RELN: variants seen among roughly 807,000 people sequenced by gnomAD.
RELN encodes reelin.
In RELN, 108 loss-of-function variants were observed where a neutral mutation model predicts 427.6. That is an observed-to-expected ratio of 0.25 (90% CI 0.22 to 0.30). RELN has a LOEUF of 0.30. Among genes scored for constraint, RELN ranks in the 10% least tolerant of loss-of-function variants. RELN has a pLI of 1.00. For synonymous variants in RELN, 1,524 were observed against 1,513.4 expected, an observed-to-expected ratio of 1.01 and a Z score of -0.16; for missense variants, 3,715 against 4,302.8, an observed-to-expected ratio of 0.86 and a Z score of 3.82.
intron 51 of RELN, among the ~76,000 whole-genome samples, chr7:103,505,924 A>G (rs1829194057): frequency 1.3e-5 from 2 of 152,242 alleles, no homozygotes; most frequent in Non-Finnish European, 2.9e-5. Flanking sequence ...AAAACACAGC[A>G]CGAGAACTTC....
chr7:103,526,780 G>C (rs1425381559), intron 46 of RELN, among the ~76,000 whole-genome samples: 2 of 152,060 alleles, frequency 1.3e-5, no homozygotes, highest in Admixed American at 1.3e-4. Flanking sequence ...CAAGGGTGTT[G>C]TGAAAATTAA....
chr7:103,660,483 A>G (rs1833115914), intron 12 of RELN, among the ~76,000 whole-genome samples: 1 of 152,208 alleles, frequency 6.6e-6, no homozygotes, highest in South Asian at 2.1e-4. Context: ...TGAGAGCATG[A>G]TACAATCTGA....
chr7:103,909,916 ATAAT>A (rs1795325537), intron 2 of RELN, among the ~76,000 whole-genome samples: 1 of 143,416 alleles, frequency 7.0e-6, no homozygotes. Flanking sequence ...AAATAATCTG[ATAAT>A]TAAGTTAAAA....
chr7:103,736,618 G>A (rs1348634691), intron 6 of RELN, among the ~76,000 whole-genome samples: 1 of 152,048 alleles, frequency 6.6e-6, no homozygotes, highest in Admixed American at 6.5e-5. Flanking sequence ...AACGTTATTT[G>A]GGTTAAAAAT....
intron 20 of RELN, among the ~76,000 whole-genome samples, chr7:103,629,094 G>C (rs2117331082): frequency 6.6e-6 from 1 of 152,260 alleles, no homozygotes; most frequent in Non-Finnish European, 1.5e-5. Context: ...TGTGGCTGGA[G>C]CTTCCATGTT....
At chr7:103,897,813 G>A (rs755602438) in intron 2 of RELN, among the ~76,000 whole-genome samples, 3 of 152,022 alleles carry the variant, frequency 2.0e-5, no homozygotes, top group Non-Finnish European at 2.9e-5. Flanking sequence ...CCAATCCGTG[G>A]ATCCATATTT....
At chr7:103,777,208 C>T (rs146245747) in intron 3 of RELN, among the ~76,000 whole-genome samples, 159 of 151,994 alleles carry the variant, frequency 1.0e-3, no homozygotes, top group African/African-American at 3.5e-3. Flanking sequence ...ATCAAAGCTG[C>T]GTACAAGGAC....
chr7:103,958,472 G>A (rs1426663378), intron 1 of RELN, among the ~76,000 whole-genome samples: 2 of 152,068 alleles, frequency 1.3e-5, no homozygotes, highest in Admixed American at 6.5e-5. Context: ...AGTTTTCTAC[G>A]ACTCACTGTC....
At chr7:103,676,514 A>T (rs1833528600) in intron 11 of RELN, among the ~76,000 whole-genome samples, 1 of 152,348 alleles carries the variant, frequency 6.6e-6, no homozygotes, top group African/African-American at 2.4e-5. Context: ...TAGAAATACC[A>T]TTTGACCCAG....
rs75384184 is a variant in RELN at position 103,901,411 on chromosome 7, A to C, written c.337+15664T>G. On this transcript the variant is annotated intron_variant, in intron 2 of 64. Transcript: ENST00000428762. Reference sequence around the variant, plus strand: ...CAATTCTACACCCAGGTATATACTCAAGAAAATTTCAAACAGATGTTCACA... The same window carrying C: ...CAATTCTACACCCAGGTATATACTCCAGAAAATTTCAAACAGATGTTCACA... 2.2e-4 allele frequency among the ~76,000 whole-genome samples: 33 copies of C among 152,142 alleles called. No homozygotes were observed. The East Asian group carries it at 6.2e-3, about 29-fold the overall frequency.
Position 103,610,753 on chromosome 7 carries a change from G to C in RELN, c.2950C>G (p.His984Asp). 6.2e-7 allele frequency: 1 copy of C among 1,612,284 alleles called. No individual in the cohort carries two copies. ...CQEFTSASIY[H>D]ASEFTQWRRV... ...CTCCACTGTGTAAACTCACTGGCAT[G>C]GTAAATACTTGCTGATGTAAATTCC... The change falls in exon 22 of 65, where the codon CAT (histidine) becomes GAT (aspartate). Residue 984 changes from histidine (H) to aspartate (D), a missense_variant. Coordinates refer to ENST00000428762, the MANE Select transcript of RELN (RefSeq NM_005045.4).
In RELN at chr7:103,580,432, G is replaced by A. The variant is rs362656; in HGVS notation, c.4146-4727C>T. Among the ~76,000 whole-genome samples the A allele has an allele frequency of 2.8e-3, 419 of 152,276 alleles. 2 individuals are homozygous for A. The highest frequency in any genetic ancestry group is 0.012 in the Admixed American group (180 of 15,298). Reference sequence around the variant, plus strand: ...TTGTCTTCCAAAAGCTGAGGTCTAAGAAAATATTGATACATTGGGAGCCTC... The same window carrying A: ...TTGTCTTCCAAAAGCTGAGGTCTAAAAAAATATTGATACATTGGGAGCCTC... On this transcript the variant is annotated intron_variant, in intron 28 of 64. Coordinates refer to ENST00000428762, the MANE Select transcript of RELN (RefSeq NM_005045.4).
chr7:103,510,072 A>G (rs769577091), intron 51 of RELN, among the ~76,000 whole-genome samples: 34 of 152,342 alleles, frequency 2.2e-4, no homozygotes, highest in Non-Finnish European at 4.0e-4. Context: ...ATCGTGGAAG[A>G]CAGTGTGGCA....
intron 2 of RELN, among the ~76,000 whole-genome samples, chr7:103,835,338 C>T (rs370730947): frequency 2.7e-4 from 41 of 152,226 alleles, no homozygotes; most frequent in South Asian, 4.1e-4. Flanking sequence ...CTTAAGGGAA[C>T]GAAACTACTC....
chr7:103,833,777 A>G (rs1401116092), intron 2 of RELN, 105 bp from the exon 3 acceptor site: 3 of 1,122,494 alleles, frequency 2.7e-6, no homozygotes, highest in East Asian at 2.6e-5. Flanking sequence ...TTAAGGTTCT[A>G]TGCTATTTGG....
chr7:103,872,027 TATATTTTTC>T (rs1454576060), intron 2 of RELN, among the ~76,000 whole-genome samples: 23 of 92,314 alleles, frequency 2.5e-4, no homozygotes, highest in East Asian at 6.1e-4. Flanking sequence ...TATATATATA[TATATTTTTC>T]TTTTTTCTTT....
chr7:103,663,926 G>A (rs1265700572), intron 11 of RELN, among the ~76,000 whole-genome samples: 1 of 152,142 alleles, frequency 6.6e-6, no homozygotes, highest in Non-Finnish European at 1.5e-5. Flanking sequence ...ATGGCCCCAG[G>A]TGCCTGTTCC....
chr7:103,896,319 T>A lies in RELN; in HGVS notation c.337+20756A>T, dbSNP rs1251547425. 2.0e-5 allele frequency among the ~76,000 whole-genome samples: 3 copies of A among 152,010 alleles called. No homozygotes were observed. The East Asian group carries it at 5.8e-4, about 29-fold the overall frequency. On this transcript the variant is annotated intron_variant, in intron 2 of 64. Transcript: ENST00000428762. ...ACGCCACTCCTAGGTATTTGCCCAATAAAAGTGAAAATACATATTCACAAA... is the reference window on the plus strand; with the variant it reads ...ACGCCACTCCTAGGTATTTGCCCAAAAAAAGTGAAAATACATATTCACAAA...
At chr7:103,814,046 G>T (rs1792810329) in intron 3 of RELN, among the ~76,000 whole-genome samples, 1 of 151,910 alleles carries the variant, frequency 6.6e-6, no homozygotes, top group African/African-American at 2.4e-5. Flanking sequence ...ACTTTGTGTG[G>T]TCATAGGAAG....
Sources: gnomAD v4.1 joint callset for allele counts (sites outside exome capture counted in the v4.1 genomes callset) on GRCh38, gnomAD v4.1.1 for gene constraint, MANE v1.5 for transcripts, NCBI Gene and HGNC (gene_info 2026-07-23, HGNC 2026-07-21) for gene names.